Variants in PLCB4 observed in about 807,000 individuals in gnomAD.
The protein encoded by PLCB4 is phospholipase C beta 4.
A neutral mutation model predicts 178.8 loss-of-function variants in PLCB4; 77 were observed. The observed-to-expected ratio is 0.43, with a 90% CI of 0.36 to 0.52. The LOEUF (loss-of-function observed/expected upper bound fraction) is 0.52. Among genes scored for constraint, PLCB4 ranks in the 20% least tolerant of loss-of-function variants. The probability of loss-of-function intolerance (pLI) is 0.00; values close to 1 mark genes in which losing one functional copy is unlikely to be tolerated. For missense variants in PLCB4, 1,024 were observed against 1,453.4 expected (o/e 0.70, Z 4.80); for synonymous variants, 496 against 490.8 (o/e 1.01, Z -0.14).
intron 8 of PLCB4, among the ~76,000 whole-genome samples, 193 bp downstream of exon 8, chr20:9,363,168 G>A (rs1434435360): frequency 1.3e-5 from 2 of 152,140 alleles, no homozygotes; most frequent in East Asian, 3.9e-4. Flanking sequence ...TAAACCCATA[G>A]CCCAAAACCT....
intron 2 of PLCB4, among the ~76,000 whole-genome samples, chr20:9,117,598 A>T (rs2091824164): frequency 6.6e-6 from 1 of 152,196 alleles, no homozygotes; most frequent in African/African-American, 2.4e-5. Context: ...GCTTTCCTTT[A>T]GATGTAGAAT....
At chr20:9,316,644 T>C (rs1431046900) in intron 4 of PLCB4, among the ~76,000 whole-genome samples, 4 of 152,328 alleles carry the variant, frequency 2.6e-5, no homozygotes, top group South Asian at 2.1e-4. Flanking sequence ...CTTAGGATTC[T>C]ACGAGTCTGC....
chr20:9,238,533 G>T (rs2094019585), intron 3 of PLCB4, among the ~76,000 whole-genome samples: 2 of 152,118 alleles, frequency 1.3e-5, no homozygotes, highest in South Asian at 4.2e-4. Flanking sequence ...CTGATATCAC[G>T]CTGTCACCAG....
intron 2 of PLCB4, among the ~76,000 whole-genome samples, chr20:9,183,598 A>C (rs1211859060): frequency 6.6e-6 from 1 of 152,094 alleles, no homozygotes; most frequent in East Asian, 1.9e-4. Context: ...ATTATTTTCA[A>C]CTTCTCTTGC....
chr20:9,186,144 T>A (rs925623785), intron 2 of PLCB4, among the ~76,000 whole-genome samples: 1 of 152,136 alleles, frequency 6.6e-6, no homozygotes, highest in African/African-American at 2.4e-5. Flanking sequence ...TCAAGGGTGG[T>A]GTGGTGGGTG....
At chr20:9,453,896 A>G (rs1293740675) in intron 33 of PLCB4, among the ~76,000 whole-genome samples, 4 of 152,214 alleles carry the variant, frequency 2.6e-5, no homozygotes, top group Non-Finnish European at 5.9e-5. Context: ...CATCTCACAT[A>G]ATCATAGTAC....
chr20:9,467,198 A>G (rs1488946917), intron 35 of PLCB4, among the ~76,000 whole-genome samples: 13 of 152,208 alleles, frequency 8.5e-5, no homozygotes, highest in Non-Finnish European at 8.8e-5. Context: ...CAAACACCGT[A>G]TGTTCTTACT....
intron 2 of PLCB4, among the ~76,000 whole-genome samples, chr20:9,180,957 G>T (rs1233071584): frequency 2.6e-5 from 4 of 152,184 alleles, no homozygotes; most frequent in Non-Finnish European, 5.9e-5. Flanking sequence ...GCTACAGTGA[G>T]ACTTGTGGAG....
At chr20:9,168,733 C>T (rs1038933849) in intron 2 of PLCB4, among the ~76,000 whole-genome samples, 2 of 152,194 alleles carry the variant, frequency 1.3e-5, no homozygotes, top group Non-Finnish European at 2.9e-5. Flanking sequence ...TTGCGAAGCT[C>T]ATGACTGAGA....
chr20:9,307,522 C>T (rs1349837368), intron 3 of PLCB4, among the ~76,000 whole-genome samples: 10 of 151,056 alleles, frequency 6.6e-5, no homozygotes, highest in Non-Finnish European at 1.2e-4. Flanking sequence ...CACACACACA[C>T]ACACACACAC....
chr20:9,379,091 C>T (rs1304694654), intron 12 of PLCB4, among the ~76,000 whole-genome samples: 3 of 152,126 alleles, frequency 2.0e-5, no homozygotes, highest in Admixed American at 6.6e-5. Context: ...TTGAGGTTTG[C>T]TTTATTTATT....
intron 19 of PLCB4, among the ~76,000 whole-genome samples, chr20:9,396,073 G>C (rs146741379): frequency 6.6e-4 from 101 of 152,180 alleles, no homozygotes; most frequent in Non-Finnish European, 1.0e-3. Flanking sequence ...TGGTATTCTT[G>C]GTATTTTGCC....
chr20:9,434,266 A>G (rs2041618450), intron 28 of PLCB4, among the ~76,000 whole-genome samples: 1 of 152,256 alleles, frequency 6.6e-6, no homozygotes, highest in South Asian at 2.1e-4. Flanking sequence ...CAAGAAATGG[A>G]TAATAATAGT....
chr20:9,425,414 C>CA (rs2040929851), intron 28 of PLCB4, among the ~76,000 whole-genome samples: 1 of 152,224 alleles, frequency 6.6e-6, no homozygotes, highest in Non-Finnish European at 1.5e-5. Context: ...AACTCTAATT[C>CA]ATTCTTGGGA....
chr20:9,228,312 TGA>T (rs2093891317), intron 3 of PLCB4, among the ~76,000 whole-genome samples: 2 of 152,124 alleles, frequency 1.3e-5, no homozygotes, highest in Non-Finnish European at 2.9e-5. Flanking sequence ...AGAATTGTGA[TGA>T]GAGAGAGTAA....
intron 28 of PLCB4, 115 bp downstream of exon 28, chr20:9,424,067 A>C (rs1027620984): frequency 2.8e-6 from 2 of 701,798 alleles, no homozygotes; most frequent in Non-Finnish European, 4.9e-6. Flanking sequence ...ATTCCTGCTA[A>C]TGCTGCCAAC....
intron 2 of PLCB4, among the ~76,000 whole-genome samples, chr20:9,213,128 C>CTTTTTTTTTTTTTTTTTT (rs56785951): frequency 2.8e-5 from 1 of 35,726 alleles, no homozygotes; most frequent in African/African-American, 1.2e-4. Flanking sequence ...CGTTAGCATA[C>CTTTTTTTTTTTTTTTTTT]TTTTTTTTTT....
At chr20:9,088,173 CTTTTCTTTTTT>C (rs1568725610) in intron 1 of PLCB4, among the ~76,000 whole-genome samples, 59 of 113,232 alleles carry the variant, frequency 5.2e-4, no homozygotes, top group South Asian at 1.3e-3. Flanking sequence ...CTTTTCTTTT[CTTTTCTTTTTT>C]TTTTTTTTTT....
intron 17 of PLCB4, among the ~76,000 whole-genome samples, chr20:9,391,913 C>T (rs1248072983): frequency 6.6e-6 from 1 of 152,202 alleles, no homozygotes; most frequent in African/African-American, 2.4e-5. Context: ...ATAACACACC[C>T]TTGATGAGCT....
Sources: gnomAD v4.1 joint callset for allele counts (sites outside exome capture counted in the v4.1 genomes callset) on GRCh38, gnomAD v4.1.1 for gene constraint, MANE v1.5 for transcripts, NCBI Gene and HGNC (gene_info 2026-07-23, HGNC 2026-07-21) for gene names.